Variants in SLC9A8 observed in about 807,000 individuals in gnomAD.
SLC9A8 encodes solute carrier family 9 member A8.
A neutral mutation model predicts 66.6 loss-of-function variants in SLC9A8; 48 were observed. The ratio of observed to expected loss-of-function variants is 0.72; its 90% CI spans 0.57 to 0.92. The LOEUF (loss-of-function observed/expected upper bound fraction) is 0.92. Among genes scored for constraint, SLC9A8 ranks in the 40% least tolerant of loss-of-function variants. SLC9A8 has a pLI of 0.00. For synonymous variants in SLC9A8, 274 were observed against 282.6 expected, an observed-to-expected ratio of 0.97 and a Z score of 0.31; for missense variants, 599 against 747.3, an observed-to-expected ratio of 0.80 and a Z score of 2.31.
chr20:49,831,164 C>G (rs1803364699), intron 3 of SLC9A8: 1 of 479,002 alleles, frequency 2.1e-6, no homozygotes, highest in Non-Finnish European at 3.9e-6. Flanking sequence ...GGGCCTGGGA[C>G]TTTGCTCTGG....
At chr20:49,855,691 G>A in intron 8 of SLC9A8, 110 bp downstream of exon 8, 2 of 1,021,266 alleles carry the variant, frequency 2.0e-6, no homozygotes, top group South Asian at 1.6e-5. Context: ...TTGTCCTCTG[G>A]GTGATCAGTT....
chr20:49,842,609 A>G (rs1041507509), intron 4 of SLC9A8, among the ~76,000 whole-genome samples: 1 of 152,124 alleles, frequency 6.6e-6, no homozygotes, highest in Non-Finnish European at 1.5e-5. Flanking sequence ...CTCTCAATCC[A>G]TGAGGTCAGT....
intron 8 of SLC9A8, among the ~76,000 whole-genome samples, chr20:49,856,921 C>T (rs996045922): frequency 2.0e-5 from 3 of 152,060 alleles, no homozygotes; most frequent in African/African-American, 7.2e-5. Context: ...TGCACTCCAA[C>T]CTGGGCAACA....
At chr20:49,829,969 G>T (rs2087103427) in intron 3 of SLC9A8, 1 of 606,160 alleles carries the variant, frequency 1.6e-6, no homozygotes, top group South Asian at 1.4e-5. Flanking sequence ...AGAATGAGAA[G>T]AATGTCACCA....
At chr20:49,820,886 A>T (rs890099391) in intron 2 of SLC9A8, among the ~76,000 whole-genome samples, 1 of 152,108 alleles carries the variant, frequency 6.6e-6, no homozygotes, top group Non-Finnish European at 1.5e-5. Context: ...CCTTCCAGTG[A>T]ATCATTGTAT....
At chr20:49,843,274 C>T (rs551430694) in intron 4 of SLC9A8, among the ~76,000 whole-genome samples, 1 of 151,974 alleles carries the variant, frequency 6.6e-6, no homozygotes, top group Non-Finnish European at 1.5e-5. Flanking sequence ...TAGGTTGCCC[C>T]GTAAAACACA....
intron 3 of SLC9A8, chr20:49,829,765 C>G: frequency 7.5e-6 from 4 of 532,654 alleles, no homozygotes; most frequent in South Asian, 6.1e-5. Flanking sequence ...CAAGAATCGG[C>G]TTAATTCCAG....
intron 3 of SLC9A8, among the ~76,000 whole-genome samples, chr20:49,833,220 G>A (rs904520852): frequency 1.3e-5 from 2 of 152,110 alleles, no homozygotes; most frequent in Non-Finnish European, 2.9e-5. Context: ...TCCCTTTTAA[G>A]CAGAAAATGT....
In SLC9A8 at chr20:49,880,741, G is replaced by A. The variant is rs116559872; in HGVS notation, c.1159-183G>A. On this transcript the variant is annotated intron_variant, in intron 12 of 15. Transcript: ENST00000361573. ...TTTCCTAGATGCATAGAATCCCGCA[G>A]CTGTGGCAGCACGCCCATGCTGGGT... Among the ~76,000 whole-genome samples, 881 of 152,294 alleles carry A rather than the reference G, an allele frequency of 5.8e-3. 7 individuals are homozygous for A. The highest frequency in any genetic ancestry group is 0.02 in the African/African-American group (848 of 41,566).
intron 5 of SLC9A8, 55 bp from the exon 6 acceptor site, chr20:49,849,524 C>A: frequency 7.1e-7 from 1 of 1,402,178 alleles, no homozygotes; most frequent in Non-Finnish European, 1.0e-6. Context: ...GCCGTGCCTT[C>A]ACTGACAGGA....
At position 49,889,369 on chromosome 20, in the gene SLC9A8, C is replaced by G. The variant is rs1447525782; in HGVS notation, c.*1433C>G. 6.6e-6 allele frequency: 1 copy of G among 152,228 alleles called. No homozygotes were observed. The highest frequency in any genetic ancestry group is 2.4e-5 in the African/African-American group (1 of 41,426). 9.4% of individuals were successfully genotyped at this position (152,228 alleles called of 1,614,324 possible). On this transcript the variant is annotated 3_prime_UTR_variant, in exon 16 of 16. Transcript: ENST00000361573. ...GCTGATCATGTGCATTCCTGCTTCT[C>G]TGGGGACACAGTGGGCCCACATGGG... is the stretch of plus-strand genomic sequence containing the variant.
chr20:49,877,162 C>T (rs1177859666), intron 11 of SLC9A8, among the ~76,000 whole-genome samples: 1 of 148,658 alleles, frequency 6.7e-6, no homozygotes, highest in African/African-American at 2.5e-5. Context: ...GGCGTGGTGG[C>T]GAGCGCCTGT....
At chr20:49,852,158 G>A (rs1329109421) in intron 7 of SLC9A8, among the ~76,000 whole-genome samples, 6 of 152,316 alleles carry the variant, frequency 3.9e-5, no homozygotes. Flanking sequence ...CTTAACAGAG[G>A]GAAGCTGGCC....
chr20:49,875,916 T>C (rs2089410966), intron 11 of SLC9A8, among the ~76,000 whole-genome samples: 1 of 152,080 alleles, frequency 6.6e-6, no homozygotes, highest in African/African-American at 2.4e-5. Context: ...GTTTTTTGTA[T>C]TTTTAGTAGA....
intron 1 of SLC9A8, 119 bp downstream of exon 1, chr20:49,813,067 G>A: frequency 1.2e-6 from 1 of 843,712 alleles, no homozygotes; most frequent in Non-Finnish European, 1.6e-6. Context: ...TGGTTGGCCA[G>A]GACTGACCAA....
intron 3 of SLC9A8, among the ~76,000 whole-genome samples, chr20:49,828,619 C>T (rs2087022407): frequency 6.6e-6 from 1 of 150,996 alleles, no homozygotes; most frequent in African/African-American, 2.4e-5. Flanking sequence ...GGCCGGATCA[C>T]CTTGAGGTCA....
At chr20:49,864,377 T>A (rs1486861171) in intron 9 of SLC9A8, among the ~76,000 whole-genome samples, 1 of 152,210 alleles carries the variant, frequency 6.6e-6, no homozygotes, top group Non-Finnish European at 1.5e-5. Flanking sequence ...GGGAGGAACC[T>A]GGCCAAGTGA....
At chr20:49,866,224 C>T (rs2088958527) in intron 10 of SLC9A8, among the ~76,000 whole-genome samples, 1 of 152,148 alleles carries the variant, frequency 6.6e-6, no homozygotes, top group Admixed American at 6.5e-5. Context: ...CTTTCAGTTA[C>T]GTTTTTGAGA....
intron 4 of SLC9A8, among the ~76,000 whole-genome samples, chr20:49,842,843 G>A (rs565860776): frequency 6.6e-6 from 1 of 152,152 alleles, no homozygotes; most frequent in Admixed American, 6.5e-5. Flanking sequence ...ACAGGACCAG[G>A]TTCCCTCCCA....
Sources: gnomAD v4.1 joint callset for allele counts (sites outside exome capture counted in the v4.1 genomes callset) on GRCh38, gnomAD v4.1.1 for gene constraint, MANE v1.5 for transcripts, NCBI Gene and HGNC (gene_info 2026-07-23, HGNC 2026-07-21) for gene names.